Variants in NRXN3 observed in about 807,000 individuals in gnomAD.
NRXN3 encodes the protein neurexin III.
NRXN3 carries 32 observed loss-of-function variants against 137.6 expected under a neutral mutation model. That is an observed-to-expected ratio of 0.23 (90% confidence interval 0.18 to 0.31). The LOEUF (loss-of-function observed/expected upper bound fraction) is 0.31, where lower values mean the gene tolerates loss of function less well. Ranked by LOEUF, NRXN3 falls within the 10% of genes least tolerant of loss-of-function variation. NRXN3 has a pLI of 1.00. For missense variants in NRXN3, 1,574 were observed against 2,062.5 expected (o/e 0.76, Z 4.59); for synonymous variants, 798 against 784.5 (o/e 1.02, Z -0.29).
intron 15 of NRXN3, among the ~76,000 whole-genome samples, chr14:79,030,635 C>CTTTTTTTTTTTTTTTTTTTTTTTTTT: frequency 5.5e-5 from 3 of 54,236 alleles, no homozygotes; most frequent in Admixed American, 2.3e-4. Flanking sequence ...TTCTCTGTGT[C>CTTTTTTTTTTTTTTTTTTTTTTTTTT]TTTTTTTTTT....
intron 15 of NRXN3, among the ~76,000 whole-genome samples, chr14:79,192,765 A>ATTCTTTTTTT (rs1413090484): frequency 8.7e-6 from 1 of 115,300 alleles, no homozygotes. Context: ...AATTCTCTTA[A>ATTCTTTTTTT]TTTTTTTTTT....
chr14:78,478,821 C>G (rs2153736220), intron 4 of NRXN3, among the ~76,000 whole-genome samples: 1 of 152,292 alleles, frequency 6.6e-6, no homozygotes, highest in African/African-American at 2.4e-5. Flanking sequence ...GTAGGAAGCT[C>G]ATAGCTGAAG....
At chr14:79,810,975 G>A (rs1166754321) in intron 20 of NRXN3, among the ~76,000 whole-genome samples, 1 of 152,168 alleles carries the variant, frequency 6.6e-6, no homozygotes, top group Non-Finnish European at 1.5e-5. Flanking sequence ...TCTTTGTCAA[G>A]TTTGAAGTTA....
intron 19 of NRXN3, among the ~76,000 whole-genome samples, chr14:79,799,253 G>T (rs912960512): frequency 6.6e-6 from 1 of 152,166 alleles, no homozygotes; most frequent in Non-Finnish European, 1.5e-5. Flanking sequence ...ATTTTAACAT[G>T]TAGTAGTATG....
At chr14:78,649,851 C>T (rs752028104) in intron 5 of NRXN3, among the ~76,000 whole-genome samples, 4 of 152,102 alleles carry the variant, frequency 2.6e-5, no homozygotes, top group Non-Finnish European at 5.9e-5. Flanking sequence ...TTACTTTACT[C>T]CCCTACCGTG....
At chr14:79,402,320 G>A (rs1034740885) in intron 15 of NRXN3, among the ~76,000 whole-genome samples, 1 of 152,164 alleles carries the variant, frequency 6.6e-6, no homozygotes, top group African/African-American at 2.4e-5. Context: ...TACTACGCTA[G>A]ATGATTTTTT....
At chr14:79,093,835 C>T (rs777081979) in intron 15 of NRXN3, among the ~76,000 whole-genome samples, 3 of 151,978 alleles carry the variant, frequency 2.0e-5, no homozygotes, top group Non-Finnish European at 4.4e-5. Context: ...GGGGCCTGGT[C>T]TATTTTCTAC....
chr14:78,965,839 A>T (rs2099416457), intron 11 of NRXN3, among the ~76,000 whole-genome samples, 186 bp from the exon 12 acceptor site: 1 of 152,176 alleles, frequency 6.6e-6, no homozygotes, highest in South Asian at 2.1e-4. Context: ...ACAGCATGTA[A>T]TTTGGGCAAT....
chr14:79,106,865 C>A (rs530003065), intron 15 of NRXN3, among the ~76,000 whole-genome samples: 127 of 152,062 alleles, frequency 8.4e-4, no homozygotes, highest in African/African-American at 3.0e-3. Flanking sequence ...TGAAAACAAC[C>A]AGTTAATGAA....
At chr14:79,467,130 C>A in intron 15 of NRXN3, 91 bp from the exon 16 acceptor site, 1 of 1,254,298 alleles carries the variant, frequency 8.0e-7, no homozygotes, top group Non-Finnish European at 1.1e-6. Context: ...TTCCTCTCTG[C>A]AGCTGTTCTG....
chr14:79,105,461 C>T (rs1299666873), intron 15 of NRXN3, among the ~76,000 whole-genome samples: 1 of 152,122 alleles, frequency 6.6e-6, no homozygotes, highest in Non-Finnish European at 1.5e-5. Context: ...CAACTTGCAT[C>T]TCAAAACAAT....
At chr14:78,836,755 C>T (rs1488644783) in intron 10 of NRXN3, among the ~76,000 whole-genome samples, 1 of 152,018 alleles carries the variant, frequency 6.6e-6, no homozygotes, top group Non-Finnish European at 1.5e-5. Flanking sequence ...TATGTATAAT[C>T]CATGTTGAGA....
intron 15 of NRXN3, among the ~76,000 whole-genome samples, chr14:79,306,082 C>A (rs773204678): frequency 2.6e-5 from 4 of 152,044 alleles, no homozygotes; most frequent in Non-Finnish European, 5.9e-5. Context: ...ATGTGTTGAC[C>A]GTAAGTTCTT....
At chr14:78,892,388 T>G (rs140044076) in intron 10 of NRXN3, among the ~76,000 whole-genome samples, 1 of 151,970 alleles carries the variant, frequency 6.6e-6, no homozygotes, top group Non-Finnish European at 1.5e-5. Flanking sequence ...ACTTAGCTCG[T>G]TTGAGTTGGC....
chr14:78,536,154 G>T (rs370352598), intron 4 of NRXN3, among the ~76,000 whole-genome samples: 1 of 152,180 alleles, frequency 6.6e-6, no homozygotes, highest in African/African-American at 2.4e-5. Context: ...CTGGGGGCTT[G>T]CTCTTTGCTA....
intron 15 of NRXN3, among the ~76,000 whole-genome samples, chr14:79,174,679 A>C (rs1596824505): frequency 6.6e-6 from 1 of 151,658 alleles, no homozygotes; most frequent in African/African-American, 2.4e-5. Context: ...CACTAATAGA[A>C]AAATGGAATT....
intron 16 of NRXN3, among the ~76,000 whole-genome samples, chr14:79,516,618 C>G (rs1321893693): frequency 6.6e-6 from 1 of 152,174 alleles, no homozygotes; most frequent in Non-Finnish European, 1.5e-5. Flanking sequence ...AATGCTGCCT[C>G]TCATTTCTGT....
At chr14:79,169,456 G>A (rs1022879711) in intron 15 of NRXN3, among the ~76,000 whole-genome samples, 1 of 152,008 alleles carries the variant, frequency 6.6e-6, no homozygotes, top group Non-Finnish European at 1.5e-5. Context: ...GAAGGTGCCT[G>A]TTTTACTCCA....
At chr14:78,298,921 AT>A (rs1489263730) in intron 4 of NRXN3, among the ~76,000 whole-genome samples, 1 of 152,170 alleles carries the variant, frequency 6.6e-6, no homozygotes, top group East Asian at 1.9e-4. Flanking sequence ...TCCATCAGAC[AT>A]TTTTGACATA....
Sources: allele counts gnomAD v4.1 joint callset (sites outside exome capture counted in the v4.1 genomes callset), GRCh38; gene constraint gnomAD v4.1.1; transcripts MANE v1.5; gene names NCBI Gene and HGNC (gene_info 2026-07-23, HGNC 2026-07-21).